SPIRE1: variants seen among roughly 807,000 people sequenced by gnomAD.
SPIRE1 encodes protein spire homolog 1.
In SPIRE1, 40 loss-of-function variants were observed where a neutral mutation model predicts 94.1. That is an observed-to-expected ratio of 0.43 (90% CI 0.33 to 0.55). The LOEUF is 0.55. SPIRE1 is among the 20% of genes least tolerant of loss of function. The probability of loss-of-function intolerance (pLI) is 0.06; values close to 1 mark genes in which losing one functional copy is unlikely to be tolerated. For synonymous variants in SPIRE1, 376 were observed against 371.7 expected (o/e 1.01, Z -0.13); for missense variants, 838 against 975.2 (o/e 0.86, Z 1.87).
intron 16 of SPIRE1, chr18:12,450,689 A>C: frequency 1.5e-6 from 1 of 646,384 alleles, no homozygotes; most frequent in Non-Finnish European, 2.8e-6. Flanking sequence ...TGGACCAGCT[A>C]AGGGAGGCAA....
chr18:12,460,712 C>A (rs1039971375), intron 12 of SPIRE1, among the ~76,000 whole-genome samples: 30 of 140,526 alleles, frequency 2.1e-4, no homozygotes, highest in Middle Eastern at 3.6e-3. Flanking sequence ...AACTCCATCT[C>A]AAAAAAAAAA....
upstream of SPIRE1, among the ~76,000 whole-genome samples, chr18:12,659,566 A>G (rs1054265755): frequency 1.3e-4 from 20 of 152,086 alleles, no homozygotes; most frequent in Admixed American, 7.9e-4. Context: ...GCTACCCGGG[A>G]GGCTGAGGCA....
chr18:12,572,736 A>G (rs2035988752), intron 2 of SPIRE1, among the ~76,000 whole-genome samples: 1 of 152,254 alleles, frequency 6.6e-6, no homozygotes, highest in Non-Finnish European at 1.5e-5. Flanking sequence ...TCACAGAAAT[A>G]GAGTCAACTG....
At chr18:12,577,292 C>T (rs567114846) in intron 2 of SPIRE1, among the ~76,000 whole-genome samples, 8 of 151,998 alleles carry the variant, frequency 5.3e-5, no homozygotes, top group African/African-American at 1.5e-4. Context: ...GGACTACAGG[C>T]GCCCGCCACC....
chr18:12,619,071 A>G (rs1567971348), intron 2 of SPIRE1, among the ~76,000 whole-genome samples: 1 of 151,948 alleles, frequency 6.6e-6, no homozygotes, highest in African/African-American at 2.4e-5. Context: ...TTTAGTAGAG[A>G]CAGGGTTTCT....
chr18:12,462,910 A>G (rs2031924017), intron 12 of SPIRE1, among the ~76,000 whole-genome samples: 1 of 151,836 alleles, frequency 6.6e-6, no homozygotes. Flanking sequence ...TTATGGATAG[A>G]GTTTGGAGAA....
chr18:12,477,401 G>C (rs1315689458), intron 10 of SPIRE1, among the ~76,000 whole-genome samples: 1 of 152,104 alleles, frequency 6.6e-6, no homozygotes, highest in Admixed American at 6.6e-5. Context: ...GCCACATGTG[G>C]GAGTGGCTAC....
chr18:12,630,918 A>G (rs561004757), intron 2 of SPIRE1, among the ~76,000 whole-genome samples: 1 of 152,354 alleles, frequency 6.6e-6, no homozygotes, highest in Non-Finnish European at 1.5e-5. Flanking sequence ...TTTGCTCAAC[A>G]GAAAAATAAT....
intron 2 of SPIRE1, among the ~76,000 whole-genome samples, chr18:12,622,207 A>G (rs1402452224): frequency 2.0e-5 from 3 of 152,184 alleles, no homozygotes; most frequent in Non-Finnish European, 2.9e-5. Flanking sequence ...ATACAACTGC[A>G]CCACTATTAT....
intron 6 of SPIRE1, among the ~76,000 whole-genome samples, chr18:12,499,805 C>G (rs1299361876): frequency 6.6e-6 from 1 of 152,180 alleles, no homozygotes; most frequent in Admixed American, 6.5e-5. Flanking sequence ...AGTGAAAAGA[C>G]AGTCTGCAGA....
chr18:12,632,809 C>CTAA (rs1321343427), intron 2 of SPIRE1, among the ~76,000 whole-genome samples: 2 of 152,012 alleles, frequency 1.3e-5, no homozygotes, highest in Non-Finnish European at 2.9e-5. Context: ...ATAAAATGAA[C>CTAA]TAATGCTTCT....
At chr18:12,648,354 C>T (rs1246506822) in intron 1 of SPIRE1, among the ~76,000 whole-genome samples, 1 of 152,136 alleles carries the variant, frequency 6.6e-6, no homozygotes, top group Non-Finnish European at 1.5e-5. Flanking sequence ...TTATCATGTG[C>T]CCCAACATGA....
chr18:12,502,702 T>C (rs1010369925), intron 6 of SPIRE1, among the ~76,000 whole-genome samples: 3 of 152,330 alleles, frequency 2.0e-5, no homozygotes, highest in South Asian at 4.1e-4. Flanking sequence ...GGTAAGATGT[T>C]TGCATTTGGA....
At chr18:12,492,516 C>A (rs890364922) in intron 8 of SPIRE1, among the ~76,000 whole-genome samples, 2 of 152,090 alleles carry the variant, frequency 1.3e-5, no homozygotes, top group African/African-American at 4.8e-5. Flanking sequence ...CCGGTAATAA[C>A]ATGCTTTCAT....
At chr18:12,626,891 T>A (rs1266476319) in intron 2 of SPIRE1, among the ~76,000 whole-genome samples, 1,921 of 129,932 alleles carry the variant, frequency 0.015, 26 homozygotes, top group African/African-American at 0.04. Flanking sequence ...TATATATTTT[T>A]TTTTTTTTTT....
intron 10 of SPIRE1, among the ~76,000 whole-genome samples, chr18:12,476,564 A>AAAAAAATATAT (rs1568194404): frequency 5.7e-5 from 4 of 69,840 alleles, no homozygotes; most frequent in Admixed American, 2.2e-4. Flanking sequence ...AAAAAAAAAA[A>AAAAAAATATAT]ATATATATAT....
chr18:12,457,122 C>T (rs770083236), intron 12 of SPIRE1, among the ~76,000 whole-genome samples: 15 of 152,096 alleles, frequency 9.9e-5, no homozygotes, highest in African/African-American at 2.4e-4. Flanking sequence ...TGAGCAACCG[C>T]GCCTGGCCAT....
chr18:12,602,997 G>C (rs2036879922), intron 2 of SPIRE1, among the ~76,000 whole-genome samples: 1 of 152,132 alleles, frequency 6.6e-6, no homozygotes, highest in South Asian at 2.1e-4. Flanking sequence ...ATCCTGATAA[G>C]CTCATTGAAA....
chr18:12,476,554 AAAAAAAAAAAAT>A (rs1348893968), intron 10 of SPIRE1, among the ~76,000 whole-genome samples: 1,470 of 93,432 alleles, frequency 0.016, 8 homozygotes, highest in African/African-American at 0.069. Flanking sequence ...AAAAAAAAAA[AAAAAAAAAAAAT>A]ATATATATAT....
Sources: allele counts gnomAD v4.1 joint callset (sites outside exome capture counted in the v4.1 genomes callset), GRCh38; gene constraint gnomAD v4.1.1; transcripts MANE v1.5; gene names NCBI Gene and HGNC (gene_info 2026-07-23, HGNC 2026-07-21).